WDR33: variants seen among roughly 807,000 people sequenced by gnomAD.
WDR33 encodes the protein pre-mRNA 3' end processing protein WDR33.
WDR33 carries 47 observed loss-of-function variants against 164.9 expected under a neutral mutation model. The ratio of observed to expected loss-of-function variants is 0.29; its 90% confidence interval spans 0.23 to 0.36. The LOEUF (loss-of-function observed/expected upper bound fraction) is 0.36. Among genes scored for constraint, WDR33 ranks in the 10% least tolerant of loss-of-function variants. The pLI is 1.00. For missense variants in WDR33, 1,137 were observed against 1,754.1 expected (o/e 0.65, Z 6.28); for synonymous variants, 505 against 589.0 (o/e 0.86, Z 2.06).
chr2:127,711,764 ATATATATATATATATATT>A (rs869093461), intron 18 of WDR33, among the ~76,000 whole-genome samples: 22 of 74,644 alleles, frequency 2.9e-4, no homozygotes, highest in Non-Finnish European at 4.6e-4. Flanking sequence ...ATATATATAT[ATATATATATATATATATT>A]TTTTTTTTGA....
In WDR33 at chr2:127,702,145, GCGC is replaced by G. The variant is rs773842156; in HGVS notation, c.*4175_*4177del. 65 of 1,215,232 alleles carry G rather than the reference GCGC, an allele frequency of 5.3e-5. No homozygotes were observed. The highest frequency in any genetic ancestry group is 8.7e-5 in the Admixed American group (2 of 22,950). The allele number at this position is 1,215,232 out of a possible 1,614,324, so 75.3% of individuals were successfully genotyped here. A position where few individuals can be genotyped will look rare whatever the true frequency, so the allele number is the denominator to read the frequency against. ...CTCGCACTGGGTCGCCTGGGCCGCG[GCGC>G]CGGCCTCGCCAAGGTGCTGCCCGTG... is the stretch of plus-strand genomic sequence containing the variant. On this transcript the variant is annotated 3_prime_UTR_variant, in exon 22 of 22. Coordinates refer to ENST00000322313, the MANE Select transcript of WDR33 (RefSeq NM_018383.5).
intron 18 of WDR33, among the ~76,000 whole-genome samples, chr2:127,711,782 T>TATATATATATATATATATA (rs1558919467): frequency 7.8e-4 from 66 of 84,378 alleles, no homozygotes; most frequent in South Asian, 1.3e-3. Context: ...ATATATATAT[T>TATATATATATATATATATA]TTTTTTTTGA....
rs1407956515 is a variant in WDR33 at position 127,764,706 on chromosome 2, T to C, written c.626+122A>G. The C allele has an allele frequency of 3.7e-6, 6 of 1,612,696 alleles. No individual in the cohort carries two copies. The highest frequency in any genetic ancestry group is 5.1e-6 in the Non-Finnish European group (6 of 1,179,322). On this transcript the variant is annotated intron_variant, in intron 6 of 21. Coordinates refer to ENST00000322313, the MANE Select transcript of WDR33 (RefSeq NM_018383.5). The surrounding 1 kb of genome is among the most constrained non-coding windows in gnomAD (Gnocchi z 6.2). The stretch of plus-strand genomic sequence containing the variant: ...AAAACAAAGAAAAATATTGTGTTTA[T>C]AGGGTGCAGAAAGTTTCCCAGAAAC...
At chr2:127,731,796 T>C (rs1686715307) in intron 7 of WDR33, among the ~76,000 whole-genome samples, 1 of 152,144 alleles carries the variant, frequency 6.6e-6, no homozygotes, top group Non-Finnish European at 1.5e-5. Flanking sequence ...ATTTAAATTA[T>C]ACTGCAGGGC....
At chr2:127,744,080 G>C (rs1573907620) in intron 7 of WDR33, among the ~76,000 whole-genome samples, 4 of 152,166 alleles carry the variant, frequency 2.6e-5, no homozygotes, top group Admixed American at 2.0e-4. Context: ...TAAATATTTA[G>C]GTGGTGACAA....
At chr2:127,734,331 T>C (rs183093509) in intron 7 of WDR33, among the ~76,000 whole-genome samples, 1 of 152,216 alleles carries the variant, frequency 6.6e-6, no homozygotes, top group Non-Finnish European at 1.5e-5. Flanking sequence ...TAGCTAGCTA[T>C]CCAGCTAAAC....
Position 127,770,131 on chromosome 2 carries a change from C to A in WDR33, c.204+647G>T, listed in dbSNP as rs3771291. ...GTAGTCTTTTATGATTTCATATACACTGCAGGTTTAACAAGTGTTTTAAGA... is the reference window on the plus strand; with the variant it reads ...GTAGTCTTTTATGATTTCATATACAATGCAGGTTTAACAAGTGTTTTAAGA... On this transcript the variant is annotated intron_variant, in intron 2 of 21. Transcript: ENST00000322313. The surrounding 1 kb of genome is among the most constrained non-coding windows in gnomAD (Gnocchi z 4.9). 0.063 allele frequency among the ~76,000 whole-genome samples: 9,566 copies of A among 152,250 alleles called. 355 individuals carry two copies. The highest frequency in any genetic ancestry group is 0.092 in the Non-Finnish European group (6,224 of 68,014).
intron 7 of WDR33, among the ~76,000 whole-genome samples, chr2:127,758,736 T>A (rs1427336291): frequency 6.6e-6 from 1 of 152,176 alleles, no homozygotes; most frequent in East Asian, 1.9e-4. Context: ...AACCTGCCAG[T>A]AGTTAAGTGA....
intron 1 of WDR33, among the ~76,000 whole-genome samples, chr2:127,778,430 C>G (rs1230994764): frequency 1.4e-5 from 2 of 141,132 alleles, no homozygotes; most frequent in Admixed American, 7.1e-5. Context: ...GAGCAAGACT[C>G]CATCTCAAGA....
At chr2:127,707,254 AGAAAG>A (rs1251440481) in intron 21 of WDR33, among the ~76,000 whole-genome samples, 6 of 151,416 alleles carry the variant, frequency 4.0e-5, no homozygotes, top group Non-Finnish European at 5.9e-5. Flanking sequence ...AAGAAAAAAA[AGAAAG>A]GAAAAGGAAA....
intron 18 of WDR33, among the ~76,000 whole-genome samples, chr2:127,711,755 T>G (rs898011415): frequency 6.7e-4 from 50 of 74,200 alleles, no homozygotes; most frequent in African/African-American, 5.5e-3. Flanking sequence ...TATACAGATA[T>G]ATATATATAT....
Position 127,722,094 on chromosome 2 carries a change from C to T in WDR33, c.1519-106G>A. ...CATCTGCTCAATCTAACCTCTGAACCGATTTTATTTCTTTTTACCTTTTCT... is the reference window on the plus strand; with the variant it reads ...CATCTGCTCAATCTAACCTCTGAACTGATTTTATTTCTTTTTACCTTTTCT... On this transcript the variant is annotated intron_variant, in intron 14 of 21. Transcript: ENST00000322313. This position sits in a 1 kb window ranked among gnomAD's most constrained non-coding sequence, Gnocchi z 5.1. 7.7e-7 allele frequency: 1 copy of T among 1,298,380 alleles called. No individual in the cohort carries two copies. The highest frequency in any genetic ancestry group is 1.0e-6 in the Non-Finnish European group (1 of 952,882). 80.4% of individuals were successfully genotyped at this position (1,298,380 alleles called of 1,614,324 possible).
chr2:127,768,439 C>A, intron 3 of WDR33, 146 bp from the exon 4 acceptor site: 1 of 507,720 alleles, frequency 2.0e-6, no homozygotes, highest in Non-Finnish European at 3.4e-6. Context: ...TAAAGTATTA[C>A]AATTAGTCTA....
At chr2:127,804,119 A>G (rs558069980) in intron 1 of WDR33, among the ~76,000 whole-genome samples, 120 of 152,214 alleles carry the variant, frequency 7.9e-4, no homozygotes, top group African/African-American at 2.7e-3. Flanking sequence ...CAGGAGATCG[A>G]GACCATCCTG....
chr2:127,725,237 A>G, intron 8 of WDR33, 22 bp from the exon 9 acceptor site: 1 of 1,573,524 alleles, frequency 6.4e-7, no homozygotes, highest in Non-Finnish European at 8.6e-7. Flanking sequence ...GTATCAAAAA[A>G]AAATGTCAGA....
At position 127,702,806 on chromosome 2, in the gene WDR33, G is replaced by A. The variant is rs1311576025; in HGVS notation, c.*3517C>T. The A allele has an allele frequency of 3.6e-5, 6 of 166,964 alleles. No individual in the cohort carries two copies. Among genetic ancestry groups the A allele is most frequent in the Non-Finnish European group, 8.8e-5 (6 of 68,120 alleles). The allele number at this position is 166,964 out of a possible 1,614,324, so 10.3% of individuals were successfully genotyped here. ...ATTAGTTGTGTATTTCACGACGAAA[G>A]CGACGGACCAAAAGAAATTTCCTGC... is the stretch of plus-strand genomic sequence containing the variant. On this transcript the variant is annotated 3_prime_UTR_variant, in exon 22 of 22. Coordinates refer to ENST00000322313, the MANE Select transcript of WDR33 (RefSeq NM_018383.5).
rs369928686 is a variant in WDR33, at chr2:127,805,212, G to A, written c.-24+5800C>T. Among the ~76,000 whole-genome samples, 27 of 151,206 alleles carry A rather than the reference G, an allele frequency of 1.8e-4. No individual in the cohort carries two copies. In the East Asian group the frequency reaches 5.2e-3, roughly 29 times the overall value. ...CCTGTCTCAACCTCCCAAGTAGCTGGGACTACAGGCGCAGGCCACCAAACC... is the reference window on the plus strand; with the variant it reads ...CCTGTCTCAACCTCCCAAGTAGCTGAGACTACAGGCGCAGGCCACCAAACC... On this transcript the variant is annotated intron_variant, in intron 1 of 21. Coordinates refer to ENST00000322313, the MANE Select transcript of WDR33 (RefSeq NM_018383.5).
In WDR33 at chr2:127,701,671, G is replaced by C. The variant is rs573542516; in HGVS notation, c.*4652C>G. 2.3e-5 allele frequency: 30 copies of C among 1,297,640 alleles called. No individual in the cohort carries two copies. The highest frequency in any genetic ancestry group is 1.3e-4 in the Admixed American group (3 of 23,726). 80.4% of individuals were successfully genotyped at this position (1,297,640 alleles called of 1,614,324 possible). On this transcript the variant is annotated 3_prime_UTR_variant, in exon 22 of 22. Coordinates refer to ENST00000322313, the MANE Select transcript of WDR33 (RefSeq NM_018383.5). ...GCGGAGGAGTGGCTGGGCCGCGCGG[G>C]CTTGCGCTGGACGTGGGCGCGGAGC...
At position 127,726,846 on chromosome 2, in the gene WDR33, G is replaced by A. The variant is rs979462741; in HGVS notation, c.725-69C>T. The A allele has an allele frequency of 1.3e-6, 2 of 1,578,370 alleles. No individual in the cohort carries two copies. Among genetic ancestry groups the A allele is most frequent in the Non-Finnish European group, 1.7e-6 (2 of 1,159,206 alleles). On this transcript the variant is annotated intron_variant, in intron 7 of 21. Transcript: ENST00000322313. This position sits in a 1 kb window ranked among gnomAD's most constrained non-coding sequence, Gnocchi z 4.8. The stretch of plus-strand genomic sequence containing the variant: ...ATTTAAAGCAATTTAAACCAAAGTA[G>A]AGAAACCTAGTAAATGTTTTGCTCT...
Sources: allele counts gnomAD v4.1 joint callset (sites outside exome capture counted in the v4.1 genomes callset), GRCh38; gene constraint gnomAD v4.1.1; non-coding constraint Gnocchi (gnomAD v3.1); transcripts MANE v1.5; gene names NCBI Gene and HGNC (gene_info 2026-07-23, HGNC 2026-07-21).